The following DUS1L variants were observed in gnomAD, a reference collection of about 807,000 sequenced individuals.
DUS1L encodes the protein dihydrouridine synthase 1 like.
DUS1L carries 56 observed loss-of-function variants against 61.2 expected under a neutral mutation model. The observed-to-expected ratio is 0.92, with a 90% CI of 0.74 to 1.14. The LOEUF (loss-of-function observed/expected upper bound fraction) is 1.14, where lower values mean the gene tolerates loss of function less well. Ranked by LOEUF, DUS1L falls within the 50% of genes most tolerant of loss-of-function variation. The pLI, the probability that DUS1L is intolerant of heterozygous loss-of-function variation, is 0.00. For synonymous variants in DUS1L, 278 were observed against 259.5 expected, an observed-to-expected ratio of 1.07 and a Z score of -0.69; for missense variants, 630 against 632.4, an observed-to-expected ratio of 1.00 and a Z score of 0.04.
intron 2 of DUS1L, among the ~76,000 whole-genome samples, chr17:82,064,544 G>A (rs1170917722): frequency 6.6e-6 from 1 of 152,200 alleles, no homozygotes; most frequent in Non-Finnish European, 1.5e-5. Flanking sequence ...CCCCAGCAGG[G>A]CTGCAAACCT....
Position 82,063,473 on chromosome 17 carries a change from C to T in DUS1L, c.392G>A (p.Arg131Lys). 2.5e-6 allele frequency: 4 copies of T among 1,613,824 alleles called. No homozygotes were observed. The highest frequency in any genetic ancestry group is 3.4e-6 in the Non-Finnish European group (4 of 1,179,980). Residue 131 changes from arginine (R) to lysine (K), a missense_variant, in exon 4 of 14, where the codon AGA (arginine) becomes AAA (lysine). Coordinates refer to ENST00000306796, the MANE Select transcript of DUS1L (RefSeq NM_022156.5). ...CATCCACCCAGCCAACTCACTCATT[C>T]TTTGGAGCAGGTCCCACTCGTCCTG... The part of the protein sequence containing the change: ...FLQDEWDLLQ[R>K]MILLAHEKLS...
At chr17:82,061,571 C>T in intron 7 of DUS1L, 47 bp downstream of exon 7, 1 of 1,578,318 alleles carries the variant, frequency 6.3e-7, no homozygotes, top group Non-Finnish European at 8.6e-7. Flanking sequence ...GCGGTGGTAT[C>T]AGGCCGTGTG....
chr17:82,064,754 G>C lies in DUS1L; in HGVS notation c.237+69C>G, dbSNP rs544139625. 6 of 1,439,190 alleles carry C rather than the reference G, an allele frequency of 4.2e-6. No homozygotes were observed. In the African/African-American group the frequency reaches 9.1e-5, roughly 22 times the overall value. The allele number at this position is 1,439,190 out of a possible 1,614,324, so 89.2% of individuals were successfully genotyped here. On this transcript the variant is annotated intron_variant, in intron 2 of 13. Transcript: ENST00000306796. Reference sequence around the variant, plus strand: ...AAGTGATGTCCCGCCACAGAGAGAAGGGTTTTTCCCCAGGCATTCCAGGAC... The same window carrying C: ...AAGTGATGTCCCGCCACAGAGAGAACGGTTTTTCCCCAGGCATTCCAGGAC...
chr17:82,064,976 G>C lies in DUS1L; in HGVS notation c.84C>G (p.Ser28Arg). Residue 28 changes from serine (S) to arginine (R), a missense_variant, in exon 2 of 14, where the codon AGC (serine) becomes AGG (arginine). By Grantham distance (110) the Ser-to-Arg change is moderately radical (BLOSUM62 -1). Transcript: ENST00000306796. ...RHVVAPMVDQ[S>R]ELAWRLLSRR... is the part of the protein sequence containing the mutation. Reference sequence around the variant, plus strand: ...GGCTCAGCAGCCTCCAGGCCAGCTCGCTCTGGTCCACCATGGGGGCCACGA... The same window carrying C: ...GGCTCAGCAGCCTCCAGGCCAGCTCCCTCTGGTCCACCATGGGGGCCACGA... 3 of 1,612,262 alleles carry C rather than the reference G, an allele frequency of 1.9e-6. No individual in the cohort carries two copies. Among genetic ancestry groups the C allele is most frequent in the Non-Finnish European group, 2.5e-6 (3 of 1,179,674 alleles).
chr17:82,063,157 C>T (rs2033594293), intron 4 of DUS1L, 184 bp from the exon 5 acceptor site: 1 of 640,090 alleles, frequency 1.6e-6, no homozygotes, highest in Non-Finnish European at 2.7e-6. Flanking sequence ...CCGCCATACC[C>T]CCGGCCCTCC....
intron 2 of DUS1L, 105 bp downstream of exon 2, chr17:82,064,718 G>A: frequency 1.7e-6 from 2 of 1,194,950 alleles, no homozygotes; most frequent in African/African-American, 1.5e-5. Context: ...AGCTGTCTCT[G>A]GAAAGGCTGA....
intron 1 of DUS1L, 32 bp from the exon 2 acceptor site, chr17:82,065,101 C>T (rs200986808): frequency 2.0e-4 from 312 of 1,541,424 alleles, no homozygotes; most frequent in African/African-American, 1.7e-3. Flanking sequence ...GGGGTTCAGC[C>T]AGGCCCAACG....
rs2033524464 is a variant in DUS1L, at chr17:82,061,947, C to T, written c.547G>A (p.Gly183Arg). ...CAGGACGCTGCACCCGACAGGGGCC[C>T]CTTCTGCTCCTTGGTGCGTCCGTGC... ...TVHGRTKEQK[G>R]PLSGAASWEH... Residue 183 changes from glycine to arginine, a missense_variant, in exon 6 of 14, where the codon GGG becomes AGG. Physicochemically the swap from Gly to Arg is moderately radical, Grantham distance 125 (BLOSUM62 -2). Coordinates refer to ENST00000306796, the MANE Select transcript of DUS1L (RefSeq NM_022156.5). The T allele has an allele frequency of 3.7e-6, 6 of 1,610,632 alleles. No homozygotes were observed. The South Asian group carries it at 6.6e-5, about 18-fold the overall frequency.
At chr17:82,058,303 T>A (rs1326945750) in intron 13 of DUS1L, 38 bp downstream of exon 13, 4 of 1,530,854 alleles carry the variant, frequency 2.6e-6, no homozygotes, top group African/African-American at 2.8e-5. Context: ...GGAGGGGGTC[T>A]GTTTGCCTGC....
intron 4 of DUS1L, 181 bp downstream of exon 4, chr17:82,063,287 C>G: frequency 2.4e-6 from 2 of 823,204 alleles, no homozygotes; most frequent in Admixed American, 4.1e-5. Context: ...TGGTGCAGGA[C>G]AGGCAACTTC....
At chr17:82,059,901 G>T in intron 11 of DUS1L, 47 bp downstream of exon 11, 1 of 1,610,188 alleles carries the variant, frequency 6.2e-7, no homozygotes, top group African/African-American at 1.3e-5. Context: ...GGAGGATGGG[G>T]GTGATGAAGA....
chr17:82,062,926 G>A lies in DUS1L; in HGVS notation c.445C>T (p.Arg149Cys), dbSNP rs532728681. 1.5e-5 allele frequency: 25 copies of A among 1,613,096 alleles called. No individual in the cohort carries two copies. Among genetic ancestry groups the A allele is most frequent in the Non-Finnish European group, 1.9e-5 (22 of 1,179,950 alleles). ...GTCTTGTCAATCTCCGGGAAGACAC[G>A]GATTTTGCACGTGACAGGAACAGAG... ...KLSVPVTCKI[R>C]VFPEIDKTVR... Residue 149 changes from arginine to cysteine, a missense_variant, in exon 5 of 14, where the codon CGT becomes TGT. By Grantham distance (180) the Arg-to-Cys change is radical. Coordinates refer to ENST00000306796, the MANE Select transcript of DUS1L (RefSeq NM_022156.5).
chr17:82,059,888 C>G (rs2033384580), intron 11 of DUS1L, 60 bp downstream of exon 11: 2 of 1,603,594 alleles, frequency 1.2e-6, no homozygotes, highest in Non-Finnish European at 1.7e-6. Context: ...TTACTGGCAA[C>G]AGGGAGGATG....
chr17:82,060,191 C>T (rs2033411090), intron 10 of DUS1L, 98 bp from the exon 11 acceptor site: 13 of 1,464,744 alleles, frequency 8.9e-6, no homozygotes, highest in South Asian at 5.2e-5. Context: ...GCCAGGCGGC[C>T]GTGGCGAGTG....
intron 11 of DUS1L, chr17:82,059,641 GGCAGGGGCAGCC>G (rs2144720414): frequency 2.5e-6 from 1 of 398,232 alleles, no homozygotes; most frequent in African/African-American, 2.0e-5. Flanking sequence ...TGTGAGGCTG[GGCAGGGGCAGCC>G]GCAGGGACCC....
At chr17:82,061,756 G>C in intron 6 of DUS1L, 35 bp from the exon 7 acceptor site, 1 of 1,609,040 alleles carries the variant, frequency 6.2e-7, no homozygotes, top group Non-Finnish European at 8.5e-7. Context: ...CCACCCGCCC[G>C]GAACAGCACC....
chr17:82,063,000 G>A, intron 4 of DUS1L, 27 bp from the exon 5 acceptor site: 1 of 1,583,594 alleles, frequency 6.3e-7, no homozygotes. Flanking sequence ...CAGCTTCTGA[G>A]GGGGCCATGG....
At position 82,065,021 on chromosome 17, in the gene DUS1L, G is replaced by A; in HGVS notation, c.39C>T (p.Thr13=). ...CCACGACGTGGCGGGCCCCTCGCAGGGTGCGGCTCCAGAACTCGAAGCCCT... is the reference window on the plus strand; with the variant it reads ...CCACGACGTGGCGGGCCCCTCGCAGAGTGCGGCTCCAGAACTCGAAGCCCT... ...KLQGFEFWSR[T]LRGARHVVAP... Residue 13 remains threonine, a synonymous_variant, in exon 2 of 14, where the codon ACC becomes ACT. Transcript: ENST00000306796. 1 of 1,608,206 alleles carries A rather than the reference G, an allele frequency of 6.2e-7. No homozygotes were observed. Among genetic ancestry groups the A allele is most frequent in the Non-Finnish European group, 8.5e-7 (1 of 1,177,030 alleles).
chr17:82,059,996 T>C lies in DUS1L; in HGVS notation c.1120A>G (p.Lys374Glu). ...TTGTGGGGGTTCCTCAGCTGCTTCT[T>C]TTGCTTGTTCTTGGACAGGACCTCC... ...GTEVLSKNKQKKQLRNPHKTF... is the reference protein window; with the variant it reads ...GTEVLSKNKQEKQLRNPHKTF... Residue 374 changes from lysine to glutamate, a missense_variant, in exon 11 of 14, where the codon AAG (lysine) becomes GAG (glutamate). Transcript: ENST00000306796. The C allele has an allele frequency of 6.2e-7, 1 of 1,613,806 alleles. No homozygotes were observed. Among genetic ancestry groups the C allele is most frequent in the Non-Finnish European group, 8.5e-7 (1 of 1,179,972 alleles).
Sources: gnomAD v4.1 joint callset for allele counts (sites outside exome capture counted in the v4.1 genomes callset) on GRCh38, gnomAD v4.1.1 for gene constraint, MANE v1.5 for transcripts, NCBI Gene and HGNC (gene_info 2026-07-23, HGNC 2026-07-21) for gene names.